The following ADAMTS17 variants were observed in gnomAD, a reference collection of about 807,000 sequenced individuals.
ADAMTS17 encodes the protein ADAM metallopeptidase with thrombospondin type 1 motif 17.
In ADAMTS17, 113 loss-of-function variants were observed where a neutral mutation model predicts 141.5. The ratio of observed to expected loss-of-function variants is 0.80; its 90% CI spans 0.69 to 0.93. The LOEUF (loss-of-function observed/expected upper bound fraction) is 0.93. ADAMTS17 is among the 40% of genes least tolerant of loss of function. The probability of loss-of-function intolerance (pLI) is 0.00; values close to 1 mark genes in which losing one functional copy is unlikely to be tolerated. For synonymous variants in ADAMTS17, 768 were observed against 630.6 expected (o/e 1.22, Z -3.27); for missense variants, 1,659 against 1,517.9 (o/e 1.09, Z -1.54).
At chr15:100,219,930 C>T (rs1048632038) in intron 7 of ADAMTS17, among the ~76,000 whole-genome samples, 9 of 152,108 alleles carry the variant, frequency 5.9e-5, no homozygotes, top group Admixed American at 4.6e-4. Flanking sequence ...TGCCAAAAAC[C>T]GCAATAAGCA....
rs2060280208 is a variant in ADAMTS17, at chr15:99,974,537, T to C, written c.3153A>G (p.Arg1051=). The part of the protein sequence containing the change: ...RLAALTYKCT[R]DQWTVYCRVI... ...CCCGGCAATATACCGTCCACTGGTC[T>C]CGTGTGCATTTGTAGGTCAGAGCAG... is the stretch of plus-strand genomic sequence containing the variant. Residue 1051 remains arginine (R), a synonymous_variant, in exon 22 of 22, where the codon CGA becomes CGG. Coordinates refer to ENST00000268070, the MANE Select transcript of ADAMTS17 (RefSeq NM_139057.4). 3.1e-6 allele frequency: 5 copies of C among 1,614,252 alleles called. No homozygotes were observed. Among genetic ancestry groups the C allele is most frequent in the Non-Finnish European group, 4.2e-6 (5 of 1,180,036 alleles).
At chr15:99,998,524 A>G (rs2060851709) in intron 18 of ADAMTS17, among the ~76,000 whole-genome samples, 1 of 152,202 alleles carries the variant, frequency 6.6e-6, no homozygotes, top group Admixed American at 6.5e-5. Context: ...GAATCGCTTG[A>G]ACCCAGGGGG....
Position 100,053,931 on chromosome 15 carries a change from G to C in ADAMTS17, c.2261C>G (p.Ala754Gly), listed in dbSNP as rs759896835. 1.2e-6 allele frequency: 2 copies of C among 1,614,186 alleles called. No homozygotes were observed. The highest frequency in any genetic ancestry group is 2.2e-5 in the South Asian group (2 of 91,080). Residue 754 changes from alanine to glycine, a missense_variant, in exon 16 of 22, where the codon GCC becomes GGC. Coordinates refer to ENST00000268070, the MANE Select transcript of ADAMTS17 (RefSeq NM_139057.4). ...VRRGLWEKISAKGPTKLPLHL... is the reference protein window; with the variant it reads ...VRRGLWEKISGKGPTKLPLHL... ...CAGCGGTAGTTTGGTTGGTCCCTTG[G>C]CAGAGATCTTCTCCCACAGCCCCCT...
intron 3 of ADAMTS17, among the ~76,000 whole-genome samples, chr15:100,302,951 G>T (rs979282941): frequency 1.3e-5 from 2 of 151,908 alleles, no homozygotes; most frequent in Non-Finnish European, 2.9e-5. Flanking sequence ...TTTTTCCCAT[G>T]CTGGATGCTT....
In ADAMTS17 at chr15:100,063,693, G is replaced by A. The variant is rs752882595; in HGVS notation, c.2138-9639C>T. On this transcript the variant is annotated intron_variant, in intron 15 of 21. Coordinates refer to ENST00000268070, the MANE Select transcript of ADAMTS17 (RefSeq NM_139057.4). Reference sequence around the variant, plus strand: ...TTGTGTTTTACCCAGAAAGCTGTGGGCAGGTTTATCCTCCACCACACGGAT... The same window carrying A: ...TTGTGTTTTACCCAGAAAGCTGTGGACAGGTTTATCCTCCACCACACGGAT... 1.8e-4 allele frequency: 232 copies of A among 1,289,934 alleles called. 2 individuals carry two copies. Among genetic ancestry groups the A allele is most frequent in the Admixed American group, 1.6e-3 (71 of 43,568 alleles). The allele number at this position is 1,289,934 out of a possible 1,614,324, so 79.9% of individuals were successfully genotyped here. A position where few individuals can be genotyped will look rare whatever the true frequency, so the allele number is the denominator to read the frequency against.
At chr15:100,226,344 G>T (rs746125581) in intron 7 of ADAMTS17, among the ~76,000 whole-genome samples, 1 of 152,258 alleles carries the variant, frequency 6.6e-6, no homozygotes, top group Non-Finnish European at 1.5e-5. Context: ...CGCCTCCAAA[G>T]ATAAGCAGGA....
intron 2 of ADAMTS17, chr15:100,339,103 G>A: frequency 5.1e-6 from 5 of 985,480 alleles, no homozygotes; most frequent in Non-Finnish European, 6.0e-6. Flanking sequence ...TGAAGTCTTA[G>A]AGGTACAACC....
intron 15 of ADAMTS17, 114 bp from the exon 16 acceptor site, chr15:100,054,168 G>GT: frequency 8.2e-7 from 1 of 1,213,130 alleles, no homozygotes; most frequent in East Asian, 2.3e-5. Flanking sequence ...CTTCCACAGG[G>GT]GGAAGGAGGG....
rs749245963 is a variant in ADAMTS17 at position 99,974,519 on chromosome 15, A to G, written c.3171T>C (p.Tyr1057=). 2.5e-6 allele frequency: 4 copies of G among 1,614,206 alleles called. No homozygotes were observed. In the South Asian group the frequency reaches 3.3e-5, roughly 13 times the overall value. The change falls in exon 22 of 22, where the codon TAT becomes TAC. Residue 1057 remains tyrosine, a synonymous_variant. Transcript: ENST00000268070. ...YKCTRDQWTV[Y]CRVIREKNLC... ...GGTTCTTTTCTCGGATGACCCGGCA[A>G]TATACCGTCCACTGGTCTCGTGTGC...
chr15:99,997,261 A>G lies in ADAMTS17; in HGVS notation c.2796+124T>C, dbSNP rs1222479796. 2.7e-5 allele frequency: 29 copies of G among 1,056,302 alleles called. No homozygotes were observed. Among genetic ancestry groups the G allele is most frequent in the Non-Finnish European group, 4.2e-5 (29 of 687,096 alleles). The allele number at this position is 1,056,302 out of a possible 1,614,324, so 65.4% of individuals were successfully genotyped here. On this transcript the variant is annotated intron_variant, in intron 19 of 21. Coordinates refer to ENST00000268070, the MANE Select transcript of ADAMTS17 (RefSeq NM_139057.4). This position sits in a 1 kb window ranked among gnomAD's most constrained non-coding sequence, Gnocchi z 4.7. ...GATGGAAATTAAGAACACATGAGCTATAACACAACTTCAAGCTGACCTGGG... is the reference window on the plus strand; with the variant it reads ...GATGGAAATTAAGAACACATGAGCTGTAACACAACTTCAAGCTGACCTGGG...
intron 3 of ADAMTS17, among the ~76,000 whole-genome samples, chr15:100,326,409 C>T (rs1253178302): frequency 6.6e-6 from 1 of 152,094 alleles, no homozygotes; most frequent in African/African-American, 2.4e-5. Flanking sequence ...GTAGAGGAAC[C>T]AAATTTCAGA....
chr15:100,113,106 T>C (rs887417852), intron 13 of ADAMTS17, among the ~76,000 whole-genome samples: 2 of 152,120 alleles, frequency 1.3e-5, no homozygotes, highest in Non-Finnish European at 2.9e-5. Context: ...GGCCCCCTCA[T>C]CAGTCCCCGG....
At chr15:100,098,855 C>G (rs991338909) in intron 14 of ADAMTS17, among the ~76,000 whole-genome samples, 57 of 152,320 alleles carry the variant, frequency 3.7e-4, no homozygotes, top group African/African-American at 1.3e-3. Context: ...GCCCACAGAG[C>G]TGGTCTCTCC....
chr15:99,993,253 T>C lies in ADAMTS17; in HGVS notation c.2797-53A>G. ...CGAGTTCCAATTCGATTCAAGTCCA[T>C]CAACAGCTATTAACTCCCTCCAATG... is the stretch of plus-strand genomic sequence containing the variant. On this transcript the variant is annotated intron_variant, in intron 19 of 21. Transcript: ENST00000268070. The surrounding 1 kb of genome is among the most constrained non-coding windows in gnomAD (Gnocchi z 4.3). 3 of 1,610,712 alleles carry C rather than the reference T, an allele frequency of 1.9e-6. No individual in the cohort carries two copies. Among genetic ancestry groups the C allele is most frequent in the East Asian group, 4.5e-5 (2 of 44,866 alleles).
At chr15:100,211,024 T>C (rs1255536797) in intron 7 of ADAMTS17, among the ~76,000 whole-genome samples, 1 of 151,782 alleles carries the variant, frequency 6.6e-6, no homozygotes, top group African/African-American at 2.4e-5. Context: ...GGCGTGAATC[T>C]GGGAGGTGGA....
At chr15:100,184,672 T>G (rs2040642573) in intron 8 of ADAMTS17, among the ~76,000 whole-genome samples, 1 of 152,064 alleles carries the variant, frequency 6.6e-6, no homozygotes, top group African/African-American at 2.4e-5. Flanking sequence ...TTGTCTCTCC[T>G]CTGTGCCTCC....
chr15:100,140,262 C>T (rs1259673923), intron 10 of ADAMTS17, among the ~76,000 whole-genome samples: 1 of 152,148 alleles, frequency 6.6e-6, no homozygotes, highest in Non-Finnish European at 1.5e-5. Context: ...CCCCAAAGTG[C>T]TGGGATTACA....
intron 4 of ADAMTS17, among the ~76,000 whole-genome samples, chr15:100,265,804 TG>T (rs1036074969): frequency 2.6e-5 from 4 of 152,186 alleles, no homozygotes; most frequent in Non-Finnish European, 4.4e-5. Flanking sequence ...AGTGTCTGAG[TG>T]GGGTCCCCAA....
At chr15:100,066,419 G>C (rs2033533325) in intron 15 of ADAMTS17, among the ~76,000 whole-genome samples, 1 of 151,374 alleles carries the variant, frequency 6.6e-6, no homozygotes. Flanking sequence ...TGTGGTGTTT[G>C]CTTAGTTTTA....
Sources: allele counts gnomAD v4.1 joint callset (sites outside exome capture counted in the v4.1 genomes callset), GRCh38; gene constraint gnomAD v4.1.1; non-coding constraint Gnocchi (gnomAD v3.1); transcripts MANE v1.5; gene names NCBI Gene and HGNC (gene_info 2026-07-23, HGNC 2026-07-21).